Variants in FOXP2 observed in about 807,000 individuals in gnomAD.
FOXP2 encodes forkhead box protein P2.
A neutral mutation model predicts 115.8 loss-of-function variants in FOXP2; 12 were observed. The ratio of observed to expected loss-of-function variants is 0.10; its 90% CI spans 0.07 to 0.17. FOXP2 has a LOEUF of 0.17. FOXP2 is among the 10% of genes least tolerant of loss of function. FOXP2 has a pLI of 1.00. For missense variants in FOXP2, 629 were observed against 843.5 expected (o/e 0.75, Z 3.15); for synonymous variants, 328 against 297.7 (o/e 1.10, Z -1.05).
intron 3 of FOXP2, among the ~76,000 whole-genome samples, chr7:114,560,241 G>A (rs1377786148): frequency 6.6e-6 from 1 of 152,092 alleles, no homozygotes; most frequent in Non-Finnish European, 1.5e-5. Context: ...TACATATTAA[G>A]TTGTGCTTTG....
chr7:114,270,932 T>A (rs1317722266), intron 1 of FOXP2, among the ~76,000 whole-genome samples: 1 of 152,110 alleles, frequency 6.6e-6, no homozygotes. Flanking sequence ...TTTAGGGCTA[T>A]GATCCATTTT....
At chr7:114,204,984 C>T (rs556036601) in intron 1 of FOXP2, among the ~76,000 whole-genome samples, 1 of 151,242 alleles carries the variant, frequency 6.6e-6, no homozygotes, top group Non-Finnish European at 1.5e-5. Context: ...AATTTTATTG[C>T]CTTTTGCCGT....
intron 1 of FOXP2, among the ~76,000 whole-genome samples, chr7:114,251,098 G>T (rs1037704779): frequency 6.6e-6 from 1 of 152,296 alleles, no homozygotes; most frequent in South Asian, 2.1e-4. Context: ...TCAAAGATCA[G>T]TTGGTTGTAG....
At chr7:114,164,452 C>T (rs1792923611) in intron 1 of FOXP2, among the ~76,000 whole-genome samples, 1 of 151,578 alleles carries the variant, frequency 6.6e-6, no homozygotes, top group Non-Finnish European at 1.5e-5. Context: ...TCAAGTGATT[C>T]TCCTGCCTCA....
At chr7:114,271,699 A>C (rs1290597658) in intron 1 of FOXP2, among the ~76,000 whole-genome samples, 1 of 117,228 alleles carries the variant, frequency 8.5e-6, no homozygotes, top group Non-Finnish European at 1.6e-5. Flanking sequence ...TAATATATTT[A>C]ATATATTATT....
At chr7:114,334,735 C>A (rs1797800064) in intron 2 of FOXP2, among the ~76,000 whole-genome samples, 1 of 150,810 alleles carries the variant, frequency 6.6e-6, no homozygotes, top group Non-Finnish European at 1.5e-5. Flanking sequence ...GTTTTTCTTC[C>A]AAACAAACTG....
intron 2 of FOXP2, among the ~76,000 whole-genome samples, chr7:114,358,878 T>C (rs189958988): frequency 6.6e-6 from 1 of 152,262 alleles, no homozygotes; most frequent in East Asian, 1.9e-4. Flanking sequence ...AGAGGATAAA[T>C]GTTTGGAACA....
Position 114,117,821 on chromosome 7 carries a change from C to A in FOXP2, c.-247+29983C>A, listed in dbSNP as rs74823628. On this transcript the variant is annotated intron_variant, in intron 1 of 19. Transcript: ENST00000635638. ...TGGAAGTCAGAGATCAGAGTGCCAG[C>A]ATGATTGAGTTCAGGTGAGGCCCCT... is the stretch of plus-strand genomic sequence containing the variant. Among the ~76,000 whole-genome samples, 402 of 152,172 alleles carry A rather than the reference C, an allele frequency of 2.6e-3. 3 individuals are homozygous for A. Among genetic ancestry groups the A allele is most frequent in the African/African-American group, 9.3e-3 (388 of 41,554 alleles).
chr7:114,170,068 A>G (rs930085012), intron 1 of FOXP2, among the ~76,000 whole-genome samples: 1 of 152,194 alleles, frequency 6.6e-6, no homozygotes, highest in African/African-American at 2.4e-5. Flanking sequence ...ACGGACTAAT[A>G]TAGCTGCTTT....
chr7:114,507,155 AC>A (rs991859033), intron 2 of FOXP2, among the ~76,000 whole-genome samples: 56 of 150,656 alleles, frequency 3.7e-4, no homozygotes, highest in Middle Eastern at 3.4e-3. Context: ...TCTTACCCCT[AC>A]CCCCCCCAAA....
At chr7:114,559,078 A>C (rs1800615577) in intron 3 of FOXP2, among the ~76,000 whole-genome samples, 2 of 152,220 alleles carry the variant, frequency 1.3e-5, no homozygotes, top group Admixed American at 1.3e-4. Flanking sequence ...GCAAACATGC[A>C]TACAAGTAAA....
rs1409502092 is a variant in FOXP2 at position 114,691,269 on chromosome 7, G to GA, written c.*1349dup. Reference sequence around the variant, plus strand: ...TTTTTTTATAGTCTTAAGTTATAATGAAAAAACAAAAAGTAGGAACCAAAC... The same window carrying GA: ...TTTTTTTATAGTCTTAAGTTATAATGAAAAAAACAAAAAGTAGGAACCAAAC... On this transcript the variant is annotated 3_prime_UTR_variant, in exon 17 of 17. Coordinates refer to ENST00000350908, the MANE Select transcript of FOXP2 (RefSeq NM_014491.4). 4 of 448,736 alleles carry GA rather than the reference G, an allele frequency of 8.9e-6. No individual in the cohort carries two copies. Among genetic ancestry groups the GA allele is most frequent in the Admixed American group, 4.8e-5 (2 of 41,282 alleles). The allele number at this position is 448,736 out of a possible 1,614,324, so 27.8% of individuals were successfully genotyped here.
At chr7:114,306,393 T>TCTGCTA (rs1730903722) in intron 2 of FOXP2, among the ~76,000 whole-genome samples, 1 of 152,144 alleles carries the variant, frequency 6.6e-6, no homozygotes, top group Non-Finnish European at 1.5e-5. Flanking sequence ...GCTAGGGATA[T>TCTGCTA]CTGCTACGTT....
intron 4 of FOXP2, among the ~76,000 whole-genome samples, chr7:114,629,330 A>G (rs1294467458): frequency 6.6e-6 from 1 of 152,170 alleles, no homozygotes; most frequent in African/African-American, 2.4e-5. Context: ...AATTTTTTAT[A>G]TATAATTACT....
intron 1 of FOXP2, among the ~76,000 whole-genome samples, chr7:114,251,312 A>C (rs996469342): frequency 7.9e-5 from 12 of 152,164 alleles, no homozygotes; most frequent in African/African-American, 2.9e-4. Context: ...ACTTTGAAAT[A>C]GTTTTTTCTA....
chr7:114,595,024 T>G (rs1334893874), intron 3 of FOXP2, among the ~76,000 whole-genome samples: 1 of 152,020 alleles, frequency 6.6e-6, no homozygotes, highest in Non-Finnish European at 1.5e-5. Context: ...TAAGACTGTT[T>G]ATATGTGCAA....
intron 3 of FOXP2, among the ~76,000 whole-genome samples, chr7:114,605,361 G>A (rs1030255331): frequency 6.6e-6 from 1 of 152,194 alleles, no homozygotes; most frequent in Non-Finnish European, 1.5e-5. Context: ...ACATATTATA[G>A]TTGTTAACCC....
intron 2 of FOXP2, among the ~76,000 whole-genome samples, chr7:114,509,772 AG>A (rs1797984904): frequency 6.6e-6 from 1 of 152,062 alleles, no homozygotes; most frequent in Admixed American, 6.6e-5. Context: ...GGACAAATTC[AG>A]GGAGTTCATG....
At chr7:114,465,700 T>A (rs1795770612) in intron 2 of FOXP2, among the ~76,000 whole-genome samples, 1 of 152,186 alleles carries the variant, frequency 6.6e-6, no homozygotes, top group Non-Finnish European at 1.5e-5. Context: ...GCCTATCCAA[T>A]CTTAGATTCC....
Sources: allele counts gnomAD v4.1 joint callset (sites outside exome capture counted in the v4.1 genomes callset), GRCh38; gene constraint gnomAD v4.1.1; transcripts MANE v1.5; gene names NCBI Gene and HGNC (gene_info 2026-07-23, HGNC 2026-07-21).